Variants in MRPS28 observed in about 807,000 individuals in gnomAD.
MRPS28 encodes small ribosomal subunit protein bS1m.
A neutral mutation model predicts 10.8 loss-of-function variants in MRPS28; 7 were observed. The observed-to-expected ratio is 0.65, with a 90% CI of 0.37 to 1.22. The LOEUF (loss-of-function observed/expected upper bound fraction) is 1.22. MRPS28 is among the 50% of genes most tolerant of loss of function. The pLI is 0.02. For synonymous variants in MRPS28, 121 were observed against 93.3 expected (o/e 1.30, Z -1.71); for missense variants, 265 against 232.9 (o/e 1.14, Z -0.90).
At chr8:79,987,786 G>A (rs1344778465) in intron 2 of MRPS28, among the ~76,000 whole-genome samples, 1 of 152,208 alleles carries the variant, frequency 6.6e-6, no homozygotes, top group Non-Finnish European at 1.5e-5. Context: ...AACAGGTGCT[G>A]GAGAGGATGT....
chr8:79,970,409 C>T (rs1807602396), intron 2 of MRPS28, among the ~76,000 whole-genome samples: 1 of 152,182 alleles, frequency 6.6e-6, no homozygotes, highest in African/African-American at 2.4e-5. Flanking sequence ...ACTGAAAGGG[C>T]TGCTGCCATA....
At chr8:79,990,264 T>C (rs1808322318) in intron 2 of MRPS28, among the ~76,000 whole-genome samples, 1 of 152,140 alleles carries the variant, frequency 6.6e-6, no homozygotes, top group African/African-American at 2.4e-5. Context: ...TGACCTCTAT[T>C]TTTCTAGTCA....
intron 1 of MRPS28, among the ~76,000 whole-genome samples, chr8:80,008,481 C>A (rs1460644828): frequency 6.6e-6 from 1 of 152,188 alleles, no homozygotes; most frequent in Non-Finnish European, 1.5e-5. Flanking sequence ...TCGGAGTGAA[C>A]AGGCAACCTA....
intron 2 of MRPS28, among the ~76,000 whole-genome samples, chr8:79,946,804 A>C (rs1347971704): frequency 6.6e-6 from 1 of 152,198 alleles, no homozygotes; most frequent in Admixed American, 6.5e-5. Flanking sequence ...AACTAAAATA[A>C]CAAGCGTTTG....
chr8:79,987,199 G>A (rs1808210949), intron 2 of MRPS28, among the ~76,000 whole-genome samples: 2 of 152,270 alleles, frequency 1.3e-5, no homozygotes, highest in Admixed American at 1.3e-4. Flanking sequence ...TTAATAAATG[G>A]TGTTGGGAAA....
chr8:79,975,320 C>T (rs2130055997), intron 2 of MRPS28, among the ~76,000 whole-genome samples: 1 of 152,200 alleles, frequency 6.6e-6, no homozygotes, highest in East Asian at 1.9e-4. Flanking sequence ...AATTAATTAA[C>T]ACTGAAATAT....
chr8:79,957,777 T>C (rs532993913), intron 2 of MRPS28: 1 of 152,194 alleles, frequency 6.6e-6, no homozygotes, highest in Non-Finnish European at 1.5e-5. Context: ...GTACCCAGTA[T>C]ACACTAGAAA....
Position 79,918,994 on chromosome 8 carries a change from G to A in MRPS28, c.550C>T (p.His184Tyr). 1.3e-6 allele frequency: 2 copies of A among 1,554,710 alleles called. No homozygotes were observed. The highest frequency in any genetic ancestry group is 1.3e-5 in the South Asian group (1 of 79,464). The change falls in exon 3 of 3, where the codon CAT becomes TAT. Residue 184 changes from histidine (H) to tyrosine (Y), a missense_variant. Coordinates refer to ENST00000276585, the MANE Select transcript of MRPS28 (RefSeq NM_014018.3). ...GCAAAGTTCATTTATTTTTCATGAT[G>A]TTCTTCTTTCGATCTTGAGTCTTTA... ...ESKDSRSKEEHHEK is the reference protein window; with the variant it reads ...ESKDSRSKEEYHEK
At chr8:79,989,141 G>A (rs955612067) in intron 2 of MRPS28, among the ~76,000 whole-genome samples, 1 of 152,134 alleles carries the variant, frequency 6.6e-6, no homozygotes, top group Non-Finnish European at 1.5e-5. Context: ...CTGAACTGAT[G>A]AATGAACGGT....
At chr8:80,008,739 C>G (rs1808940119) in intron 1 of MRPS28, among the ~76,000 whole-genome samples, 1 of 152,206 alleles carries the variant, frequency 6.6e-6, no homozygotes. Flanking sequence ...CATCTCACAC[C>G]AGTTAGAATG....
At chr8:80,004,041 G>C (rs995758104) in intron 1 of MRPS28, among the ~76,000 whole-genome samples, 3 of 152,214 alleles carry the variant, frequency 2.0e-5, no homozygotes, top group African/African-American at 7.2e-5. Flanking sequence ...GCCTGCCTCT[G>C]TAGACTCCAC....
chr8:79,997,104 T>A (rs1341104676), intron 2 of MRPS28, among the ~76,000 whole-genome samples: 1 of 152,150 alleles, frequency 6.6e-6, no homozygotes, highest in African/African-American at 2.4e-5. Context: ...GGAAATCAGA[T>A]GGAATATAGA....
chr8:79,930,267 T>C (rs1806428140), intron 2 of MRPS28, among the ~76,000 whole-genome samples: 1 of 152,196 alleles, frequency 6.6e-6, no homozygotes, highest in African/African-American at 2.4e-5. Flanking sequence ...ATCACTTCCC[T>C]AGGTAGGCAA....
chr8:79,990,824 C>CAAA (rs34065249), intron 2 of MRPS28, among the ~76,000 whole-genome samples: 1 of 143,968 alleles, frequency 6.9e-6, no homozygotes. Context: ...CCCATCTCTA[C>CAAA]AAAAAAAAAA....
At chr8:79,991,134 G>C (rs190106384) in intron 2 of MRPS28, among the ~76,000 whole-genome samples, 1 of 152,320 alleles carries the variant, frequency 6.6e-6, no homozygotes, top group Non-Finnish European at 1.5e-5. Context: ...GTGGATGCAG[G>C]AGGAAGGTTG....
At chr8:80,006,197 A>C (rs1044245641) in intron 1 of MRPS28, among the ~76,000 whole-genome samples, 18 of 152,354 alleles carry the variant, frequency 1.2e-4, no homozygotes, top group Non-Finnish European at 2.4e-4. Flanking sequence ...TCTCAGCACC[A>C]CATCACACTT....
chr8:79,931,930 T>C (rs1806472686), intron 2 of MRPS28, among the ~76,000 whole-genome samples: 1 of 152,212 alleles, frequency 6.6e-6, no homozygotes, highest in Non-Finnish European at 1.5e-5. Context: ...TTTGAAAAAG[T>C]GTGTCTCTAG....
chr8:79,934,244 G>C (rs1021436438), intron 2 of MRPS28, among the ~76,000 whole-genome samples: 16 of 152,124 alleles, frequency 1.1e-4, no homozygotes, highest in African/African-American at 3.9e-4. Context: ...AAAAGAGATG[G>C]TTGACTAGAT....
intron 1 of MRPS28, among the ~76,000 whole-genome samples, chr8:80,004,140 G>A (rs1486242427): frequency 6.6e-6 from 1 of 152,152 alleles, no homozygotes. Context: ...AGAGAGTAGT[G>A]GTTCTCCCAG....
Sources: allele counts gnomAD v4.1 joint callset (sites outside exome capture counted in the v4.1 genomes callset), GRCh38; gene constraint gnomAD v4.1.1; transcripts MANE v1.5; gene names NCBI Gene and HGNC (gene_info 2026-07-23, HGNC 2026-07-21).